The following ABCC4 variants were observed in gnomAD, a reference collection of about 807,000 sequenced individuals.
ABCC4 encodes the protein ATP-binding cassette sub-family C member 4.
ABCC4 carries 102 observed loss-of-function variants against 168.5 expected under a neutral mutation model. That is an observed-to-expected ratio of 0.61 (90% CI 0.52 to 0.71). The LOEUF is 0.71. ABCC4 is among the 30% of genes least tolerant of loss of function. The pLI, the probability that ABCC4 is intolerant of heterozygous loss-of-function variation, is 0.00. For synonymous variants in ABCC4, 617 were observed against 590.7 expected (o/e 1.04, Z -0.65); for missense variants, 1,402 against 1,605.8 (o/e 0.87, Z 2.17).
chr13:95,287,264 C>T (rs2041281131), intron 1 of ABCC4, among the ~76,000 whole-genome samples: 1 of 151,750 alleles, frequency 6.6e-6, no homozygotes, highest in Non-Finnish European at 1.5e-5. Context: ...TGCACTCCAG[C>T]CTGGGCAACA....
intron 19 of ABCC4, among the ~76,000 whole-genome samples, chr13:95,131,622 G>T (rs1190322281): frequency 6.6e-6 from 1 of 151,722 alleles, no homozygotes; most frequent in Non-Finnish European, 1.5e-5. Flanking sequence ...GAGCAAGACT[G>T]TCTCAAAAAA....
chr13:95,203,627 C>A (rs536699197), intron 8 of ABCC4, among the ~76,000 whole-genome samples: 18 of 151,972 alleles, frequency 1.2e-4, no homozygotes, highest in African/African-American at 4.1e-4. Flanking sequence ...CAAAGTGCTG[C>A]GATTATAGCT....
At chr13:95,255,211 G>T (rs761055407) in intron 1 of ABCC4, among the ~76,000 whole-genome samples, 3 of 152,154 alleles carry the variant, frequency 2.0e-5, no homozygotes, top group Non-Finnish European at 4.4e-5. Flanking sequence ...GTAGCCCACC[G>T]CCAGCACACT....
At chr13:95,240,011 G>A (rs1052889707) in intron 3 of ABCC4, among the ~76,000 whole-genome samples, 2 of 152,170 alleles carry the variant, frequency 1.3e-5, no homozygotes, top group Non-Finnish European at 2.9e-5. Flanking sequence ...GAAGTGGCAG[G>A]TGGTACACAC....
intron 4 of ABCC4, among the ~76,000 whole-genome samples, chr13:95,219,804 T>G (rs1419008672): frequency 6.6e-6 from 1 of 152,148 alleles, no homozygotes. Flanking sequence ...GAGGTGTGTT[T>G]GGCATCCATC....
chr13:95,054,020 CCTTTTTTTTTTTTTTTTTTTTTTTTT>C (rs1231315244), intron 26 of ABCC4: 22 of 73,186 alleles, frequency 3.0e-4, no homozygotes, highest in South Asian at 8.4e-4. Context: ...AATGGGACAT[CCTTTTTTTTTTTTTTTTTTTTTTTTT>C]TTTTTTTTTT....
intron 9 of ABCC4, among the ~76,000 whole-genome samples, chr13:95,188,850 A>T (rs1465008201): frequency 6.6e-6 from 1 of 152,200 alleles, no homozygotes; most frequent in Admixed American, 6.5e-5. Flanking sequence ...GCTTCTTGAA[A>T]TGAAAACTCA....
chr13:95,087,986 T>C (rs2034311313), intron 20 of ABCC4, among the ~76,000 whole-genome samples: 1 of 152,226 alleles, frequency 6.6e-6, no homozygotes, highest in African/African-American at 2.4e-5. Flanking sequence ...TGTCCTTCCC[T>C]TGGGATACAT....
intron 29 of ABCC4, among the ~76,000 whole-genome samples, chr13:95,037,102 A>C (rs1396040025): frequency 4.1e-5 from 6 of 147,828 alleles, no homozygotes; most frequent in African/African-American, 7.5e-5. Context: ...AAAAAAAAAA[A>C]CCCCAAAATC....
intron 6 of ABCC4, among the ~76,000 whole-genome samples, 158 bp downstream of exon 6, chr13:95,209,276 A>G (rs2389204): frequency 0.65 from 98,502 of 151,612 alleles, 32,112 homozygotes; most frequent in African/African-American, 0.68. Context: ...TGCCTTCAGC[A>G]TAAGGACAGA....
At chr13:95,238,424 C>A (rs188242309) in intron 3 of ABCC4, among the ~76,000 whole-genome samples, 3 of 152,064 alleles carry the variant, frequency 2.0e-5, no homozygotes, top group African/African-American at 7.2e-5. Context: ...ACATTTAGGG[C>A]CAATTGATCA....
intron 1 of ABCC4, among the ~76,000 whole-genome samples, chr13:95,289,193 G>A (rs1350066401): frequency 6.6e-6 from 1 of 152,140 alleles, no homozygotes; most frequent in African/African-American, 2.4e-5. Context: ...ATCACATCCT[G>A]ACCAATAAAA....
At chr13:95,080,765 G>A (rs547126001) in intron 21 of ABCC4, among the ~76,000 whole-genome samples, 9 of 152,222 alleles carry the variant, frequency 5.9e-5, no homozygotes, top group South Asian at 2.1e-4. Context: ...GAGCCAATGC[G>A]CCCGGCCCAG....
chr13:95,203,823 A>G (rs2038700948), intron 8 of ABCC4, among the ~76,000 whole-genome samples: 1 of 151,442 alleles, frequency 6.6e-6, no homozygotes, highest in Non-Finnish European at 1.5e-5. Flanking sequence ...GGACCCTCAC[A>G]CCCCCCTTGA....
chr13:95,075,391 C>T, intron 22 of ABCC4, 41 bp downstream of exon 22: 1 of 1,612,500 alleles, frequency 6.2e-7, no homozygotes, highest in South Asian at 1.1e-5. Flanking sequence ...GAAAAAGCAG[C>T]AGATCCTGTC....
chr13:95,118,255 A>ATT (rs11285457), intron 19 of ABCC4, among the ~76,000 whole-genome samples: 3 of 143,836 alleles, frequency 2.1e-5, no homozygotes, highest in Non-Finnish European at 3.1e-5. Context: ...AAAAGTTTTA[A>ATT]TTTTTTTTTT....
chr13:95,278,536 T>C (rs2138907085), intron 1 of ABCC4, among the ~76,000 whole-genome samples: 1 of 152,232 alleles, frequency 6.6e-6, no homozygotes, highest in East Asian at 1.9e-4. Context: ...GGCTCACGCC[T>C]ATAATCCCAA....
At chr13:95,208,500 CT>C (rs1164921540) in intron 6 of ABCC4, among the ~76,000 whole-genome samples, 1 of 151,948 alleles carries the variant, frequency 6.6e-6, no homozygotes. Flanking sequence ...AGTGGCTCAT[CT>C]CGATCCAGCT....
chr13:95,282,815 G>A (rs1022709508), intron 1 of ABCC4, among the ~76,000 whole-genome samples: 3 of 151,988 alleles, frequency 2.0e-5, no homozygotes, highest in Non-Finnish European at 4.4e-5. Context: ...TTACAGGTGT[G>A]AGCCACCGTG....
Sources: gnomAD v4.1 joint callset for allele counts (sites outside exome capture counted in the v4.1 genomes callset) on GRCh38, gnomAD v4.1.1 for gene constraint, MANE v1.5 for transcripts, NCBI Gene and HGNC (gene_info 2026-07-23, HGNC 2026-07-21) for gene names.